Variants in EMSY observed in about 807,000 individuals in gnomAD.
EMSY encodes the protein EMSY transcriptional repressor, BRCA2 interacting.
Under a neutral mutation model 134.6 loss-of-function variants are expected in EMSY, and 26 were observed. The observed-to-expected ratio is 0.19, with a 90% CI of 0.14 to 0.27. EMSY has a LOEUF of 0.27. Ranked by LOEUF, EMSY falls within the 10% of genes least tolerant of loss-of-function variation. EMSY has a pLI of 1.00. For missense variants in EMSY, 1,305 were observed against 1,611.4 expected, an observed-to-expected ratio of 0.81 and a Z score of 3.26; for synonymous variants, 579 against 577.8, an observed-to-expected ratio of 1.00 and a Z score of -0.03.
rs1453529476 is a variant in EMSY at position 76,463,302 on chromosome 11, G to A, written c.572-519G>A. 3.3e-5 allele frequency among the ~76,000 whole-genome samples: 5 copies of A among 151,626 alleles called. No homozygotes were observed. The South Asian group carries it at 6.3e-4, about 19-fold the overall frequency. On this transcript the variant is annotated intron_variant, in intron 6 of 20. Transcript: ENST00000334736. ...CACACCACTGCACTCCAGCCTGGGC[G>A]ACAGAGTGAGACTTTGTCTTAAAAG...
intron 8 of EMSY, among the ~76,000 whole-genome samples, chr11:76,494,043 C>T (rs550961028): frequency 3.7e-4 from 57 of 152,372 alleles, no homozygotes; most frequent in African/African-American, 1.3e-3. Context: ...TGCGGATGCC[C>T]GCAGCAGAAG....
At chr11:76,471,695 C>T (rs1051028441) in intron 7 of EMSY, among the ~76,000 whole-genome samples, 1 of 152,034 alleles carries the variant, frequency 6.6e-6, no homozygotes, top group South Asian at 2.1e-4. Flanking sequence ...GACAGAAGAC[C>T]TCAGAGAGAA....
At chr11:76,505,775 T>G (rs1243272726) in intron 9 of EMSY, among the ~76,000 whole-genome samples, 1 of 151,778 alleles carries the variant, frequency 6.6e-6, no homozygotes, top group Non-Finnish European at 1.5e-5. Flanking sequence ...GAGAATCGCG[T>G]GAACCCGGGG....
intron 9 of EMSY, among the ~76,000 whole-genome samples, chr11:76,507,796 A>G (rs184398381): frequency 6.6e-6 from 1 of 152,086 alleles, no homozygotes. Context: ...GCCCAAATCC[A>G]TTAGAGAAAT....
At chr11:76,542,242 C>T (rs1174882037) in exon 18 of EMSY, 1 of 1,614,212 alleles carries the variant, frequency 6.2e-7, no homozygotes, top group Non-Finnish European at 8.5e-7. Context: ...GCCCCAACAG[C>T]CTTCCCAGCC....
At chr11:76,454,924 T>TC in intron 4 of EMSY, 134 bp downstream of exon 5, 2 of 655,954 alleles carry the variant, frequency 3.0e-6, no homozygotes, top group East Asian at 6.1e-5. Flanking sequence ...CTTCCCCTCC[T>TC]CCCCCTCCTA....
intron 7 of EMSY, among the ~76,000 whole-genome samples, chr11:76,465,595 G>T (rs1156815703): frequency 1.4e-5 from 2 of 144,472 alleles, no homozygotes; most frequent in African/African-American, 2.6e-5. Flanking sequence ...TTCTCTCAAA[G>T]TTCCTTTAAA....
chr11:76,541,191 A>G (rs547365899), intron 17 of EMSY, among the ~76,000 whole-genome samples: 58 of 152,350 alleles, frequency 3.8e-4, no homozygotes, highest in African/African-American at 1.4e-3. Context: ...GTGCCATTGC[A>G]CTCCAGCCTG....
exon 20 of EMSY, chr11:76,546,278 C>T (rs1309114030): frequency 2.2e-5 from 36 of 1,609,402 alleles, no homozygotes; most frequent in Non-Finnish European, 3.1e-5. Context: ...GAAGAGAGTC[C>T]AGCAGAAATT....
chr11:76,488,433 C>T (rs978867895), intron 8 of EMSY, among the ~76,000 whole-genome samples: 1 of 152,086 alleles, frequency 6.6e-6, no homozygotes, highest in Non-Finnish European at 1.5e-5. Flanking sequence ...TGCCACTGCA[C>T]TCTAGCCTGG....
intron 9 of EMSY, chr11:76,497,117 G>A (rs1230752955): frequency 6.6e-6 from 1 of 152,618 alleles, no homozygotes; most frequent in Non-Finnish European, 1.5e-5. Context: ...GTTGGATTTT[G>A]TCAAGTGCTT....
chr11:76,501,460 A>C (rs1162192394), intron 9 of EMSY, among the ~76,000 whole-genome samples: 1 of 152,232 alleles, frequency 6.6e-6, no homozygotes, highest in East Asian at 1.9e-4. Flanking sequence ...ACAATATTAC[A>C]TCAAATAAAG....
intron 11 of EMSY, among the ~76,000 whole-genome samples, chr11:76,519,771 T>A (rs1237604513): frequency 6.6e-6 from 1 of 152,168 alleles, no homozygotes; most frequent in Non-Finnish European, 1.5e-5. Context: ...GGGATCTTTT[T>A]AAAAAATAAG....
intron 10 of EMSY, among the ~76,000 whole-genome samples, chr11:76,515,548 T>C (rs973886367): frequency 6.6e-6 from 1 of 152,174 alleles, no homozygotes; most frequent in African/African-American, 2.4e-5. Context: ...AATTTTAGGC[T>C]AAAGAGAAAT....
exon 4 of EMSY, chr11:76,453,374 A>G: frequency 6.2e-7 from 1 of 1,612,976 alleles, no homozygotes; most frequent in Non-Finnish European, 8.5e-7. Flanking sequence ...AACGGTTAAC[A>G]ACAATTGCAC....
chr11:76,492,334 C>T (rs1196333300), intron 8 of EMSY, among the ~76,000 whole-genome samples: 2 of 152,090 alleles, frequency 1.3e-5, no homozygotes, highest in Non-Finnish European at 1.5e-5. Flanking sequence ...ATTAGCCATG[C>T]ATGGTGGTGC....
chr11:76,465,733 G>A (rs1424254777), intron 7 of EMSY, among the ~76,000 whole-genome samples: 1 of 151,402 alleles, frequency 6.6e-6, no homozygotes, highest in African/African-American at 2.4e-5. Context: ...TATTTGTTTT[G>A]ATCTCTTTTA....
At chr11:76,517,424 A>G (rs192811614) in intron 11 of EMSY, among the ~76,000 whole-genome samples, 11 of 152,326 alleles carry the variant, frequency 7.2e-5, no homozygotes, top group Non-Finnish European at 1.5e-4. Flanking sequence ...TTATTACTTG[A>G]CAATATCTTT....
chr11:76,538,148 A>T (rs1292154107), intron 16 of EMSY, among the ~76,000 whole-genome samples, 198 bp downstream of exon 17: 5 of 152,208 alleles, frequency 3.3e-5, no homozygotes, highest in Admixed American at 1.3e-4. Context: ...TGAAGTTTGT[A>T]GGTAATATAA....
Sources: gnomAD v4.1 joint callset for allele counts (sites outside exome capture counted in the v4.1 genomes callset) on GRCh38, gnomAD v4.1.1 for gene constraint, MANE v1.5 for transcripts, NCBI Gene and HGNC (gene_info 2026-07-23, HGNC 2026-07-21) for gene names.